LIN9: variants seen among roughly 807,000 people sequenced by gnomAD.
The protein encoded by LIN9 is protein lin-9 homolog.
LIN9 carries 18 observed loss-of-function variants against 78.0 expected under a neutral mutation model. The ratio of observed to expected loss-of-function variants is 0.23; its 90% CI spans 0.16 to 0.34. The LOEUF is 0.34. Ranked by LOEUF, LIN9 falls within the 10% of genes least tolerant of loss-of-function variation. The pLI is 1.00. For synonymous variants in LIN9, 192 were observed against 215.2 expected (o/e 0.89, Z 0.94); for missense variants, 451 against 644.1 (o/e 0.70, Z 3.25).
rs559460640 is a variant in LIN9 at position 226,260,628 on chromosome 1, GTTT to G, written c.1038+4902_1038+4904del. ...AGAATTTAAGATCACGGCCAAATGA[GTTT>G]TTTTTTTTTTTTTTTTTTTTTTTTT... On this transcript the variant is annotated intron_variant, in intron 10 of 14. Coordinates refer to ENST00000681046, the MANE Select transcript of LIN9 (RefSeq NM_001366245.2). 8.3e-4 allele frequency among the ~76,000 whole-genome samples: 61 copies of G among 73,408 alleles called. 1 individual carries two copies. Among genetic ancestry groups the G allele is most frequent in the African/African-American group, 1.3e-3 (26 of 19,818 alleles). 48.2% of individuals were successfully genotyped at this position (73,408 alleles called of 152,430 possible). A position where few individuals can be genotyped will look rare whatever the true frequency, so the allele number is the denominator to read the frequency against.
chr1:226,260,532 G>C (rs1377652043), intron 10 of LIN9, among the ~76,000 whole-genome samples: 2 of 147,758 alleles, frequency 1.4e-5, no homozygotes, highest in African/African-American at 5.0e-5. Flanking sequence ...CTATAGATCA[G>C]TATCTTTCAT....
chr1:226,308,853 G>T, intron 1 of LIN9: 1 of 272,618 alleles, frequency 3.7e-6, no homozygotes, highest in Non-Finnish European at 6.8e-6. Context: ...CACCGCCTCC[G>T]CCTGGCACAG....
chr1:226,279,393 A>C (rs1249311126), intron 6 of LIN9, among the ~76,000 whole-genome samples: 4 of 151,722 alleles, frequency 2.6e-5, no homozygotes. Flanking sequence ...CAGGAAGTTG[A>C]GGCTGCAATG....
intron 11 of LIN9, among the ~76,000 whole-genome samples, chr1:226,243,746 A>ATATATTC: frequency 6.6e-6 from 1 of 151,680 alleles, no homozygotes; most frequent in East Asian, 1.9e-4. Context: ...ACCCAATAGT[A>ATATATTC]TATATTCTAT....
At position 226,282,538 on chromosome 1, in the gene LIN9, C is replaced by T. The variant is rs138997757; in HGVS notation, c.524+3795G>A. ...CATCTGATAGTTAAAAGCAGTATCT[C>T]GGCCGGGCGCGGTGGCTCACGCCTG... On this transcript the variant is annotated intron_variant, in intron 6 of 14. Coordinates refer to ENST00000681046, the MANE Select transcript of LIN9 (RefSeq NM_001366245.2). Among the ~76,000 whole-genome samples the T allele has an allele frequency of 1.5e-3, 229 of 152,198 alleles. 2 individuals carry two copies. The highest frequency in any genetic ancestry group is 5.2e-3 in the African/African-American group (215 of 41,544).
chr1:226,299,693 T>C (rs1662394787), intron 2 of LIN9, among the ~76,000 whole-genome samples: 1 of 152,146 alleles, frequency 6.6e-6, no homozygotes, highest in African/African-American at 2.4e-5. Flanking sequence ...ATAGTAGCTT[T>C]AAAGACTAAA....
At chr1:226,267,741 G>A (rs773186016) in intron 8 of LIN9, among the ~76,000 whole-genome samples, 1 of 152,138 alleles carries the variant, frequency 6.6e-6, no homozygotes, top group African/African-American at 2.4e-5. Flanking sequence ...GTGCTGTGTC[G>A]TTAAGGTCCA....
intron 10 of LIN9, among the ~76,000 whole-genome samples, chr1:226,263,211 T>G (rs1360465636): frequency 6.6e-6 from 1 of 152,180 alleles, no homozygotes; most frequent in African/African-American, 2.4e-5. Context: ...GGTGGATACA[T>G]GATATTATAC....
intron 10 of LIN9, among the ~76,000 whole-genome samples, chr1:226,262,934 C>T (rs1659686582): frequency 6.6e-6 from 1 of 152,064 alleles, no homozygotes; most frequent in African/African-American, 2.4e-5. Context: ...TACATCCCGA[C>T]AATGTAATAT....
intron 2 of LIN9, among the ~76,000 whole-genome samples, chr1:226,300,887 T>C (rs887751665): frequency 3.9e-5 from 6 of 152,174 alleles, no homozygotes; most frequent in African/African-American, 1.4e-4. Context: ...TGCTAACATA[T>C]AGGTCAGCAC....
At chr1:226,247,012 T>C (rs1658526784) in intron 11 of LIN9, among the ~76,000 whole-genome samples, 2 of 152,136 alleles carry the variant, frequency 1.3e-5, no homozygotes, top group South Asian at 4.1e-4. Context: ...TTCCTATTTA[T>C]CGTCTCTTCT....
At chr1:226,240,575 G>A (rs1222387962) in intron 11 of LIN9, among the ~76,000 whole-genome samples, 5 of 152,212 alleles carry the variant, frequency 3.3e-5, no homozygotes, top group Middle Eastern at 3.4e-3. Flanking sequence ...TTTTAGTGGA[G>A]ATGGGGTTTC....
rs778959811 is a variant in LIN9 at position 226,233,129 on chromosome 1, T to C, written c.1490A>G (p.Asp497Gly). ...EFKSLTDSLN[D>G]IKSTIDASNI... The stretch of plus-strand genomic sequence containing the variant: ...AGAAGCGTCTATTGTACTCTTGATA[T>C]CATTTAATGAGTCTGTAAGTGATTT... The change falls in exon 14 of 15, where the codon GAT becomes GGT. Residue 497 changes from aspartate (D) to glycine (G), a missense_variant. Coordinates refer to ENST00000681046, the MANE Select transcript of LIN9 (RefSeq NM_001366245.2). The C allele has an allele frequency of 9.3e-6, 15 of 1,606,536 alleles. No homozygotes were observed. Among genetic ancestry groups the C allele is most frequent in the African/African-American group, 2.7e-5 (2 of 74,604 alleles).
chr1:226,275,705 A>G (rs573909666), intron 7 of LIN9, among the ~76,000 whole-genome samples: 109 of 145,002 alleles, frequency 7.5e-4, no homozygotes, highest in African/African-American at 2.4e-3. Context: ...AAAAAAAAAA[A>G]AAAAAAAGAA....
At chr1:226,254,772 G>T (rs569778023) in intron 10 of LIN9, among the ~76,000 whole-genome samples, 12 of 151,846 alleles carry the variant, frequency 7.9e-5, no homozygotes, top group African/African-American at 2.2e-4. Context: ...TTAGCCGGGC[G>T]TAGTGGAGGG....
chr1:226,245,427 T>A (rs548049163), intron 11 of LIN9, among the ~76,000 whole-genome samples: 1 of 74,492 alleles, frequency 1.3e-5, no homozygotes, highest in Non-Finnish European at 2.7e-5. Context: ...CTTGTCTTTT[T>A]TCCCCCCCCC....
At chr1:226,246,965 T>C (rs963256244) in intron 11 of LIN9, among the ~76,000 whole-genome samples, 4 of 152,164 alleles carry the variant, frequency 2.6e-5, no homozygotes, top group Non-Finnish European at 5.9e-5. Flanking sequence ...TTTTTCCTTC[T>C]GCTATTCCGT....
chr1:226,309,091 C>A lies in LIN9; in HGVS notation c.31+18G>T. The A allele has an allele frequency of 7.6e-7, 1 of 1,312,430 alleles. No individual in the cohort carries two copies. Among genetic ancestry groups the A allele is most frequent in the Non-Finnish European group, 9.8e-7 (1 of 1,021,178 alleles). 81.3% of individuals were successfully genotyped at this position (1,312,430 alleles called of 1,614,324 possible). A position where few individuals can be genotyped will look rare whatever the true frequency, so the allele number is the denominator to read the frequency against. On this transcript the variant is annotated intron_variant, in intron 1 of 14. Transcript: ENST00000681046. ...CAGCAGGCGGGAAAAGGGGGGGGTG[C>A]TTTGAGGTGCTACTCACTCTCGTCA...
intron 1 of LIN9, among the ~76,000 whole-genome samples, chr1:226,302,692 TA>T (rs1662635908): frequency 6.6e-6 from 1 of 152,072 alleles, no homozygotes; most frequent in Non-Finnish European, 1.5e-5. Flanking sequence ...CTCAGGGGAT[TA>T]AATAAAAAAG....
Sources: allele counts gnomAD v4.1 joint callset (sites outside exome capture counted in the v4.1 genomes callset), GRCh38; gene constraint gnomAD v4.1.1; transcripts MANE v1.5; gene names NCBI Gene and HGNC (gene_info 2026-07-23, HGNC 2026-07-21).